CDH4: variants seen among roughly 807,000 people sequenced by gnomAD.
CDH4 encodes the protein cadherin 4, also known as cadherin-4.
A neutral mutation model predicts 86.0 loss-of-function variants in CDH4; 33 were observed. That is an observed-to-expected ratio of 0.38 (90% CI 0.29 to 0.51). The LOEUF is 0.51. CDH4 is among the 20% of genes least tolerant of loss of function. The pLI, the probability that CDH4 is intolerant of heterozygous loss-of-function variation, is 0.86. For missense variants in CDH4, 1,114 were observed against 1,307.4 expected (o/e 0.85, Z 2.28); for synonymous variants, 555 against 549.4 (o/e 1.01, Z -0.14).
chr20:61,427,266 T>C (rs536336368), intron 2 of CDH4, among the ~76,000 whole-genome samples: 1 of 152,258 alleles, frequency 6.6e-6, no homozygotes, highest in East Asian at 1.9e-4. Flanking sequence ...ACCTTTACTG[T>C]CTCTTTTGCA....
At chr20:61,896,062 G>A (rs1033213212) in intron 8 of CDH4, among the ~76,000 whole-genome samples, 1 of 151,924 alleles carries the variant, frequency 6.6e-6, no homozygotes, top group Non-Finnish European at 1.5e-5. Flanking sequence ...CCCAGGCCTA[G>A]GCCCCCGCAG....
intron 2 of CDH4, among the ~76,000 whole-genome samples, chr20:61,728,635 A>G (rs1343662632): frequency 6.6e-6 from 1 of 152,120 alleles, no homozygotes; most frequent in Non-Finnish European, 1.5e-5. Context: ...GACCTTCCAT[A>G]TAGGTTTGTG....
At chr20:61,671,621 A>G (rs1008322517) in intron 2 of CDH4, among the ~76,000 whole-genome samples, 1 of 151,046 alleles carries the variant, frequency 6.6e-6, no homozygotes, top group Non-Finnish European at 1.5e-5. Flanking sequence ...AGATGGATGG[A>G]TGGGTGTGTA....
At chr20:61,763,164 A>G (rs1431247977) in intron 3 of CDH4, among the ~76,000 whole-genome samples, 1 of 152,230 alleles carries the variant, frequency 6.6e-6, no homozygotes, top group Non-Finnish European at 1.5e-5. Flanking sequence ...CCTTAGAAAT[A>G]TACCACGGAT....
At chr20:61,494,938 G>GC (rs1212564269) in intron 2 of CDH4, among the ~76,000 whole-genome samples, 1 of 152,256 alleles carries the variant, frequency 6.6e-6, no homozygotes, top group Non-Finnish European at 1.5e-5. Flanking sequence ...TTTGGCGTGG[G>GC]CCCTCCGCCA....
chr20:61,930,810 G>A (rs926424940), intron 13 of CDH4, among the ~76,000 whole-genome samples: 2 of 152,248 alleles, frequency 1.3e-5, no homozygotes, highest in African/African-American at 4.8e-5. Flanking sequence ...CCCCACAGAG[G>A]TTGGGAGGTG....
chr20:61,300,189 C>T (rs1053760653), intron 2 of CDH4, among the ~76,000 whole-genome samples: 7 of 152,100 alleles, frequency 4.6e-5, no homozygotes, highest in African/African-American at 1.7e-4. Context: ...AGGGGAGAGG[C>T]AGGTGTGCCA....
chr20:61,575,392 T>C (rs928205194), intron 2 of CDH4, among the ~76,000 whole-genome samples: 33 of 152,328 alleles, frequency 2.2e-4, no homozygotes, highest in Middle Eastern at 3.4e-3. Flanking sequence ...GCAGACACCA[T>C]AAAACAAAGG....
At chr20:61,495,012 G>A (rs1013002428) in intron 2 of CDH4, among the ~76,000 whole-genome samples, 1 of 152,266 alleles carries the variant, frequency 6.6e-6, no homozygotes, top group Non-Finnish European at 1.5e-5. Context: ...GAGCCACCTT[G>A]CATGGTGGGA....
intron 2 of CDH4, among the ~76,000 whole-genome samples, chr20:61,693,355 G>T (rs918156199): frequency 3.9e-5 from 6 of 152,216 alleles, no homozygotes; most frequent in African/African-American, 9.6e-5. Flanking sequence ...CTGGAAATGT[G>T]GGGGAGGCCT....
At chr20:61,719,971 G>A (rs949707740) in intron 2 of CDH4, among the ~76,000 whole-genome samples, 3 of 152,174 alleles carry the variant, frequency 2.0e-5, no homozygotes, top group Non-Finnish European at 4.4e-5. Flanking sequence ...TTTAAGCACC[G>A]CAGTTACCAC....
intron 12 of CDH4, among the ~76,000 whole-genome samples, chr20:61,929,287 A>G (rs532512016): frequency 1.3e-5 from 2 of 152,100 alleles, no homozygotes; most frequent in African/African-American, 4.8e-5. Flanking sequence ...ACAGGCTTGC[A>G]CCACACGCCC....
chr20:61,839,370 ATG>A (rs1210469923), intron 4 of CDH4, among the ~76,000 whole-genome samples: 2 of 150,940 alleles, frequency 1.3e-5, no homozygotes, highest in Admixed American at 6.6e-5. Flanking sequence ...TGTGTATTGA[ATG>A]TGTGTTGTGT....
chr20:61,683,392 C>T (rs1023815724), intron 2 of CDH4, among the ~76,000 whole-genome samples: 1 of 152,184 alleles, frequency 6.6e-6, no homozygotes, highest in African/African-American at 2.4e-5. Flanking sequence ...ATCTACTGTA[C>T]CCTGCAGTGA....
At chr20:61,322,487 T>G (rs576479411) in intron 2 of CDH4, among the ~76,000 whole-genome samples, 2 of 152,294 alleles carry the variant, frequency 1.3e-5, no homozygotes, top group African/African-American at 4.8e-5. Flanking sequence ...CAAGATTCTC[T>G]GTCTCCCTTT....
rs377475796 is a variant in CDH4 at position 61,731,660 on chromosome 20, G to A, written c.170-11903G>A. Reference sequence around the variant, plus strand: ...CGCCTCCTGCCAAGCCCAGAACTGCGCAGGTGGGTTGGGATGGGCAGGCCC... The same window carrying A: ...CGCCTCCTGCCAAGCCCAGAACTGCACAGGTGGGTTGGGATGGGCAGGCCC... On this transcript the variant is annotated intron_variant, in intron 2 of 15. Transcript: ENST00000614565. 6.4e-4 allele frequency among the ~76,000 whole-genome samples: 98 copies of A among 152,330 alleles called. 1 individual carries two copies. Among genetic ancestry groups the A allele is most frequent in the Admixed American group, 4.3e-3 (66 of 15,304 alleles).
intron 4 of CDH4, among the ~76,000 whole-genome samples, chr20:61,796,307 T>G (rs1600997248): frequency 6.6e-6 from 1 of 152,176 alleles, no homozygotes; most frequent in South Asian, 2.1e-4. Context: ...CCAGGGCACA[T>G]GACAACCGCT....
At chr20:61,665,392 A>G (rs2087311752) in intron 2 of CDH4, among the ~76,000 whole-genome samples, 1 of 152,228 alleles carries the variant, frequency 6.6e-6, no homozygotes, top group Non-Finnish European at 1.5e-5. Context: ...CAGTTAAGCG[A>G]TGCTAAAAAC....
chr20:61,440,749 A>G (rs2085310427), intron 2 of CDH4, among the ~76,000 whole-genome samples: 1 of 152,128 alleles, frequency 6.6e-6, no homozygotes, highest in Non-Finnish European at 1.5e-5. Context: ...CCATGGAGGA[A>G]GCGCTATTGT....
Sources: gnomAD v4.1 joint callset for allele counts (sites outside exome capture counted in the v4.1 genomes callset) on GRCh38, gnomAD v4.1.1 for gene constraint, MANE v1.5 for transcripts, NCBI Gene and HGNC (gene_info 2026-07-23, HGNC 2026-07-21) for gene names.